SAMD12: variants seen among roughly 807,000 people sequenced by gnomAD.
The protein encoded by SAMD12 is sterile alpha motif domain-containing protein 12.
Under a neutral mutation model 15.0 loss-of-function variants are expected in SAMD12, and 9 were observed. The observed-to-expected ratio is 0.60, with a 90% CI of 0.36 to 1.05. SAMD12 has a LOEUF of 1.05. Ranked by LOEUF, SAMD12 falls within the 50% of genes least tolerant of loss-of-function variation. SAMD12 has a pLI of 0.01. For missense variants in SAMD12, 230 were observed against 234.2 expected (o/e 0.98, Z 0.12); for synonymous variants, 86 against 90.1 (o/e 0.96, Z 0.25).
intron 2 of SAMD12, among the ~76,000 whole-genome samples, chr8:118,556,970 AAAAGAAAG>A (rs540288024): frequency 8.6e-5 from 13 of 152,042 alleles, no homozygotes; most frequent in Non-Finnish European, 1.3e-4. Context: ...TCTCAAAAAA[AAAAGAAAG>A]AAAGAAAGAA....
chr8:118,213,205 A>G (rs1233765518), intron 4 of SAMD12, among the ~76,000 whole-genome samples: 1 of 152,134 alleles, frequency 6.6e-6, no homozygotes, highest in Non-Finnish European at 1.5e-5. Flanking sequence ...TCATTGAGAG[A>G]TGGGGTCTTT....
intron 4 of SAMD12, among the ~76,000 whole-genome samples, chr8:118,276,774 G>A (rs924367120): frequency 3.3e-5 from 5 of 152,286 alleles, no homozygotes; most frequent in African/African-American, 1.2e-4. Context: ...CCAGGTTCAA[G>A]TGAGTTTCCT....
intron 1 of SAMD12, among the ~76,000 whole-genome samples, chr8:118,603,016 C>T (rs1452622586): frequency 2.6e-5 from 4 of 151,792 alleles, no homozygotes; most frequent in African/African-American, 9.7e-5. Flanking sequence ...TTTCCAAAAA[C>T]CGAGGTCTTA....
chr8:118,496,640 C>A (rs987720691), intron 2 of SAMD12, among the ~76,000 whole-genome samples: 5 of 152,064 alleles, frequency 3.3e-5, no homozygotes, highest in African/African-American at 1.2e-4. Context: ...CTAGAAAACA[C>A]CATTCTGGAC....
chr8:118,165,305 A>G, the SAMD12 span, among the ~76,000 whole-genome samples: 2 of 151,964 alleles, frequency 1.3e-5, no homozygotes, highest in Non-Finnish European at 2.9e-5. Context: ...AAAGAATACA[A>G]CTCGGGAACA....
chr8:118,572,917 T>G (rs951235470), intron 2 of SAMD12, among the ~76,000 whole-genome samples: 4 of 152,116 alleles, frequency 2.6e-5, no homozygotes, highest in African/African-American at 9.7e-5. Flanking sequence ...TCATGGGGGC[T>G]GCTTCCCCCA....
chr8:118,340,441 CATATATGT>C (rs1414629145), intron 4 of SAMD12, among the ~76,000 whole-genome samples: 4 of 152,102 alleles, frequency 2.6e-5, no homozygotes, highest in Admixed American at 6.5e-5. Flanking sequence ...TATACTCATA[CATATATGT>C]ATATATGTAT....
At chr8:118,247,025 C>T (rs189903762) in intron 4 of SAMD12, among the ~76,000 whole-genome samples, 14 of 152,176 alleles carry the variant, frequency 9.2e-5, no homozygotes, top group Non-Finnish European at 1.6e-4. Context: ...TCTAGATTTG[C>T]ATATGGCTGA....
chr8:118,484,904 T>C (rs1563888331), intron 2 of SAMD12, among the ~76,000 whole-genome samples: 1 of 152,198 alleles, frequency 6.6e-6, no homozygotes, highest in Non-Finnish European at 1.5e-5. Flanking sequence ...GCTCTGGGCA[T>C]TGAGAATATG....
the SAMD12 span, among the ~76,000 whole-genome samples, chr8:118,154,803 T>C: frequency 6.6e-6 from 1 of 152,116 alleles, no homozygotes; most frequent in East Asian, 1.9e-4. Flanking sequence ...CAATAAACAC[T>C]TAAAACCTGA....
intron 1 of SAMD12, among the ~76,000 whole-genome samples, chr8:118,611,822 T>C (rs192130484): frequency 6.6e-6 from 1 of 152,336 alleles, no homozygotes; most frequent in African/African-American, 2.4e-5. Context: ...CAGAGACCAG[T>C]GGTAAGCCCT....
chr8:118,316,816 GTTTT>G (rs35418863), intron 4 of SAMD12, among the ~76,000 whole-genome samples: 2 of 117,922 alleles, frequency 1.7e-5, no homozygotes, highest in Non-Finnish European at 1.7e-5. Context: ...TTAAAAAAAA[GTTTT>G]TTTTTTTTTT....
At chr8:118,486,139 GGGT>G (rs990988038) in intron 2 of SAMD12, among the ~76,000 whole-genome samples, 2 of 152,186 alleles carry the variant, frequency 1.3e-5, no homozygotes, top group Non-Finnish European at 2.9e-5. Context: ...AGTAGGCTGG[GGGT>G]GGTGGCTCAC....
At chr8:118,204,475 C>T (rs143403134) in intron 4 of SAMD12, among the ~76,000 whole-genome samples, 1 of 152,266 alleles carries the variant, frequency 6.6e-6, no homozygotes, top group East Asian at 1.9e-4. Context: ...TCCAAAGAGG[C>T]CGGACATGGT....
intron 2 of SAMD12, 60 bp from the exon 3 acceptor site, chr8:118,440,021 T>A: frequency 1.3e-6 from 2 of 1,559,054 alleles, no homozygotes; most frequent in Non-Finnish European, 1.8e-6. Context: ...GACACTATAG[T>A]TAAAAGTCTT....
chr8:118,269,242 G>C (rs907124203), intron 4 of SAMD12, among the ~76,000 whole-genome samples: 5 of 151,196 alleles, frequency 3.3e-5, no homozygotes, highest in South Asian at 2.1e-4. Flanking sequence ...GTGTGTGTGT[G>C]TGTGTGTGTG....
intron 2 of SAMD12, among the ~76,000 whole-genome samples, chr8:118,486,147 G>T (rs1053670925): frequency 6.6e-6 from 1 of 152,182 alleles, no homozygotes; most frequent in African/African-American, 2.4e-5. Context: ...GGGGGTGGTG[G>T]CTCACACCTG....
At chr8:118,567,401 A>T (rs1785143039) in intron 2 of SAMD12, among the ~76,000 whole-genome samples, 2 of 152,230 alleles carry the variant, frequency 1.3e-5, no homozygotes, top group Admixed American at 1.3e-4. Flanking sequence ...AACCTCTAAG[A>T]TGTTACTCTC....
At chr8:118,515,300 A>G (rs938269319) in intron 2 of SAMD12, among the ~76,000 whole-genome samples, 15 of 145,626 alleles carry the variant, frequency 1.0e-4, no homozygotes, top group Non-Finnish European at 2.1e-4. Context: ...CCCAATGTTT[A>G]AAAGTTTTTA....
Sources: allele counts gnomAD v4.1 joint callset (sites outside exome capture counted in the v4.1 genomes callset), GRCh38; gene constraint gnomAD v4.1.1; transcripts MANE v1.5; gene names NCBI Gene and HGNC (gene_info 2026-07-23, HGNC 2026-07-21).